PPL: variants seen among roughly 807,000 people sequenced by gnomAD.
PPL encodes 190 kDa paraneoplastic pemphigus antigen.
In PPL, 198 loss-of-function variants were observed where a neutral mutation model predicts 194.4. The observed-to-expected ratio is 1.02, with a 90% CI of 0.91 to 1.15. PPL has a LOEUF of 1.15. Among genes scored for constraint, PPL ranks in the 50% most tolerant of loss-of-function variants. The pLI, the probability that PPL is intolerant of heterozygous loss-of-function variation, is 0.00. For synonymous variants in PPL, 1,220 were observed against 972.4 expected (o/e 1.25, Z -4.74); for missense variants, 2,885 against 2,294.8 (o/e 1.26, Z -5.25).
rs1232676464 is a variant in PPL at position 4,890,941 on chromosome 16, G to C, written c.1969-20C>G. 1.3e-6 allele frequency: 2 copies of C among 1,498,262 alleles called. No individual in the cohort carries two copies. The highest frequency in any genetic ancestry group is 1.8e-6 in the Non-Finnish European group (2 of 1,117,412). The allele number at this position is 1,498,262 out of a possible 1,614,324, so 92.8% of individuals were successfully genotyped here. On this transcript the variant is annotated intron_variant, in intron 16 of 21. Coordinates refer to ENST00000345988, the MANE Select transcript of PPL (RefSeq NM_002705.5). ...CATGGCCTGGCGGGGCAGAGGAGGA[G>C]ACGGCGGTGCTACGGCCAGAGCTCC...
At position 4,886,585 on chromosome 16, in the gene PPL, C is replaced by A. The variant is rs190119645; in HGVS notation, c.2608-538G>T. ...TAAAAAACAATGCTGTCATCAACAT[C>A]ATGGACTTCAGAAAATAACATTCAC... On this transcript the variant is annotated intron_variant, in intron 21 of 21. Transcript: ENST00000345988. Among the ~76,000 whole-genome samples the A allele has an allele frequency of 2.6e-5, 4 of 152,364 alleles. No homozygotes were observed. The South Asian group carries it at 6.2e-4, about 24-fold the overall frequency.
rs142713089 is a variant in PPL, at chr16:4,892,203, T to C, written c.1661A>G (p.Asn554Ser). Residue 554 changes from asparagine to serine, a missense_variant, in exon 15 of 22, where the codon AAC becomes AGC. Physicochemically the swap from Asn to Ser is conservative, Grantham distance 46 (BLOSUM62 1). Coordinates refer to ENST00000345988, the MANE Select transcript of PPL (RefSeq NM_002705.5). ...CTCAGGTTCAATCCGCAGTAGCTCG[T>C]TGGTGATGTTCTGTGGGAACCAGGG... Reference protein sequence around the residue: ...ERAKDLKNITNELLRIEPEKT... With the variant: ...ERAKDLKNITSELLRIEPEKT... 43 of 1,611,728 alleles carry C rather than the reference T, an allele frequency of 2.7e-5. No individual in the cohort carries two copies. The highest frequency in any genetic ancestry group is 3.4e-5 in the Non-Finnish European group (40 of 1,178,484).
chr16:4,932,676 TCA>T (rs1367534745), intron 1 of PPL, among the ~76,000 whole-genome samples: 1 of 152,070 alleles, frequency 6.6e-6, no homozygotes, highest in Non-Finnish European at 1.5e-5. Flanking sequence ...CCTTACCCTC[TCA>T]GAGTGCTGGG....
At position 4,891,847 on chromosome 16, in the gene PPL, G is replaced by A. The variant is rs559825270; in HGVS notation, c.1932C>T (p.Ser644=). ...HLNQDDTVPE[S]SRVLDSKGQE... ...GCCCCTTGCTGTCCAGGACACGGCTGCTCTCAGGCACTGTGTCATCCTGAT... is the reference window on the plus strand; with the variant it reads ...GCCCCTTGCTGTCCAGGACACGGCTACTCTCAGGCACTGTGTCATCCTGAT... The change falls in exon 16 of 22, where the codon AGC becomes AGT. Residue 644 remains serine (S), a synonymous_variant. Coordinates refer to ENST00000345988, the MANE Select transcript of PPL (RefSeq NM_002705.5). 6.2e-7 allele frequency: 1 copy of A among 1,613,336 alleles called. No individual in the cohort carries two copies. The highest frequency in any genetic ancestry group is 1.1e-5 in the South Asian group (1 of 91,062).
At chr16:4,924,282 G>A (rs1294786137) in intron 1 of PPL, among the ~76,000 whole-genome samples, 3 of 152,072 alleles carry the variant, frequency 2.0e-5, no homozygotes, top group Non-Finnish European at 2.9e-5. Context: ...CATTATTAAC[G>A]GATATTTTAC....
Position 4,894,491 on chromosome 16 carries a change from G to C in PPL, c.1370C>G (p.Pro457Arg). 1 of 1,613,926 alleles carries C rather than the reference G, an allele frequency of 6.2e-7. No homozygotes were observed. Among genetic ancestry groups the C allele is most frequent in the Non-Finnish European group, 8.5e-7 (1 of 1,179,982 alleles). The change falls in exon 12 of 22, where the codon CCT (proline) becomes CGT (arginine). Residue 457 changes from proline to arginine, a missense_variant. Coordinates refer to ENST00000345988, the MANE Select transcript of PPL (RefSeq NM_002705.5). ...AVCFVIPPTD[P>R]EALALADSLG... ...CCTGTCAGCCAGAGCCAGGGCCTCA[G>C]GGTCTGTGGGGGGGATCACAAAACA...
At chr16:4,927,113 G>C (rs920277412) in intron 1 of PPL, among the ~76,000 whole-genome samples, 1 of 152,120 alleles carries the variant, frequency 6.6e-6, no homozygotes, top group Non-Finnish European at 1.5e-5. Flanking sequence ...AAATGTAAAT[G>C]AGTTAATTTT....
intron 20 of PPL, 91 bp from the exon 21 acceptor site, chr16:4,887,318 G>T (rs1327774285): frequency 1.0e-6 from 1 of 977,120 alleles, no homozygotes; most frequent in Non-Finnish European, 1.6e-6. Context: ...TGGTTCTTGA[G>T]AAGTGTGGAA....
At chr16:4,893,519 G>A (rs768535495) in intron 13 of PPL, 22 bp downstream of exon 13, 1 of 1,610,354 alleles carries the variant, frequency 6.2e-7, no homozygotes, top group Admixed American at 1.7e-5. Context: ...CAGAGCCTCA[G>A]GCGAGTGGCC....
chr16:4,893,264 C>T lies in PPL; in HGVS notation c.1599G>A (p.Leu533=), dbSNP rs752925279. ...TGTCCTGCACAGCCCGGCCTTGCTCCAGTGGTGGCCGCAGGATCCCTGTGA... is the reference window on the plus strand; with the variant it reads ...TGTCCTGCACAGCCCGGCCTTGCTCTAGTGGTGGCCGCAGGATCCCTGTGA... The part of the protein sequence containing the change: ...KAITGILRPP[L]EQGRAVQDSA... The change falls in exon 14 of 22, where the codon CTG becomes CTA. Residue 533 remains leucine (L), a synonymous_variant. Transcript: ENST00000345988. 13 of 1,597,314 alleles carry T rather than the reference C, an allele frequency of 8.1e-6. No homozygotes were observed. The highest frequency in any genetic ancestry group is 5.1e-5 in the Admixed American group (3 of 58,720).
At chr16:4,933,635 G>A (rs909782853) in intron 1 of PPL, among the ~76,000 whole-genome samples, 8 of 152,094 alleles carry the variant, frequency 5.3e-5, no homozygotes, top group African/African-American at 1.4e-4. Context: ...TCATCTGTCC[G>A]GCTCTATGCT....
intron 1 of PPL, among the ~76,000 whole-genome samples, chr16:4,915,664 T>C (rs2088902794): frequency 6.6e-6 from 1 of 152,192 alleles, no homozygotes; most frequent in Admixed American, 6.5e-5. Context: ...ATGGGGATGC[T>C]AGGAAAATCA....
intron 1 of PPL, among the ~76,000 whole-genome samples, chr16:4,935,139 T>C (rs1374852767): frequency 1.3e-5 from 2 of 152,106 alleles, no homozygotes; most frequent in Non-Finnish European, 2.9e-5. Flanking sequence ...CCCCAAATCT[T>C]TGCCACCCCA....
At chr16:4,898,949 C>G in intron 8 of PPL, 64 bp downstream of exon 8, 1 of 1,395,434 alleles carries the variant, frequency 7.2e-7, no homozygotes. Flanking sequence ...CTCCAGGCGG[C>G]CCACAGGCAG....
At chr16:4,905,751 G>A (rs533366618) in intron 2 of PPL, among the ~76,000 whole-genome samples, 1 of 152,318 alleles carries the variant, frequency 6.6e-6, no homozygotes, top group East Asian at 1.9e-4. Flanking sequence ...AAGTCTGGAA[G>A]GGCTGAAGGG....
intron 11 of PPL, 150 bp from the exon 12 acceptor site, chr16:4,894,768 A>G (rs766810125): frequency 1.7e-5 from 15 of 898,678 alleles, no homozygotes; most frequent in Non-Finnish European, 2.5e-5. Context: ...CATGCAGGAG[A>G]AGCACATGTG....
intron 19 of PPL, 29 bp from the exon 20 acceptor site, chr16:4,888,247 G>A (rs2088250944): frequency 2.0e-6 from 3 of 1,497,684 alleles, no homozygotes; most frequent in African/African-American, 1.4e-5. Context: ...TGGCAGAGGG[G>A]AGATTAAAAC....
rs1470416845 is a variant in PPL at position 4,882,780 on chromosome 16, T to G, written c.*604A>C. On this transcript the variant is annotated 3_prime_UTR_variant, in exon 22 of 22. Coordinates refer to ENST00000345988, the MANE Select transcript of PPL (RefSeq NM_002705.5). ...CTCTGTAGGTGCCGGGACAGTCTGG[T>G]GGCTGACAATTAACGTCCACTCCAG... is the stretch of plus-strand genomic sequence containing the variant. The G allele has an allele frequency of 6.5e-6, 1 of 153,400 alleles. No individual in the cohort carries two copies. The allele number at this position is 153,400 out of a possible 1,614,324, so 9.5% of individuals were successfully genotyped here. A position where few individuals can be genotyped will look rare whatever the true frequency, so the allele number is the denominator to read the frequency against.
chr16:4,889,238 GTTGTTTTTTTTTTTTTTTTTTT>G (rs2088273114), intron 18 of PPL, among the ~76,000 whole-genome samples, 177 bp from the exon 19 acceptor site: 1 of 21,788 alleles, frequency 4.6e-5, no homozygotes. Context: ...TTTTGTTGTT[GTTGTTTTTTTTTTTTTTTTTTT>G]TTTTTTTTTT....
Sources: allele counts gnomAD v4.1 joint callset (sites outside exome capture counted in the v4.1 genomes callset), GRCh38; gene constraint gnomAD v4.1.1; transcripts MANE v1.5; gene names NCBI Gene and HGNC (gene_info 2026-07-23, HGNC 2026-07-21).